The following LRRC4C variants were observed in gnomAD, a reference collection of about 807,000 sequenced individuals.
LRRC4C encodes leucine-rich repeat-containing protein 4C.
In LRRC4C, 5 loss-of-function variants were observed where a neutral mutation model predicts 33.6. The ratio of observed to expected loss-of-function variants is 0.15; its 90% CI spans 0.08 to 0.31. LRRC4C has a LOEUF of 0.31. Among genes scored for constraint, LRRC4C ranks in the 10% least tolerant of loss-of-function variants. LRRC4C has a pLI of 1.00. For missense variants in LRRC4C, 560 were observed against 796.7 expected, an observed-to-expected ratio of 0.70 and a Z score of 3.58; for synonymous variants, 329 against 302.0, an observed-to-expected ratio of 1.09 and a Z score of -0.93.
chr11:40,718,370 T>C (rs1040301887), intron 2 of LRRC4C, among the ~76,000 whole-genome samples: 4 of 152,164 alleles, frequency 2.6e-5, no homozygotes, highest in Non-Finnish European at 5.9e-5. Flanking sequence ...ATGAAAATAA[T>C]GCTGAGATTG....
chr11:41,185,248 G>A (rs897827170), intron 1 of LRRC4C, among the ~76,000 whole-genome samples: 2 of 152,116 alleles, frequency 1.3e-5, no homozygotes, highest in African/African-American at 4.8e-5. Flanking sequence ...GTTGGTGAGA[G>A]TCTATTCCCA....
chr11:40,671,055 G>C (rs1385646912), intron 2 of LRRC4C, among the ~76,000 whole-genome samples: 1 of 152,194 alleles, frequency 6.6e-6, no homozygotes, highest in Non-Finnish European at 1.5e-5. Context: ...GAGCCACTGC[G>C]CCTGGCCAAG....
chr11:41,234,389 G>A (rs1166649160), intron 1 of LRRC4C, among the ~76,000 whole-genome samples: 1 of 151,588 alleles, frequency 6.6e-6, no homozygotes, highest in Non-Finnish European at 1.5e-5. Context: ...AAAATATTAG[G>A]CTAATATATT....
intron 1 of LRRC4C, among the ~76,000 whole-genome samples, chr11:41,357,158 G>A (rs905409120): frequency 6.6e-6 from 1 of 151,910 alleles, no homozygotes; most frequent in East Asian, 1.9e-4. Context: ...GAGAGAGAGA[G>A]AAACTATGCA....
intron 1 of LRRC4C, among the ~76,000 whole-genome samples, chr11:41,046,902 C>G (rs1228281434): frequency 6.6e-6 from 1 of 152,064 alleles, no homozygotes; most frequent in Non-Finnish European, 1.5e-5. Context: ...TTATAAATGA[C>G]TTTTATTTGG....
chr11:40,960,047 T>A (rs1454770212), intron 1 of LRRC4C, among the ~76,000 whole-genome samples: 7 of 138,242 alleles, frequency 5.1e-5, no homozygotes, highest in Non-Finnish European at 9.5e-5. Flanking sequence ...AAGAAAGAAC[T>A]AAGGAAGGAA....
At chr11:40,751,404 C>A (rs1388555186) in intron 2 of LRRC4C, among the ~76,000 whole-genome samples, 1 of 152,004 alleles carries the variant, frequency 6.6e-6, no homozygotes, top group Non-Finnish European at 1.5e-5. Flanking sequence ...AGCTGATAAG[C>A]AAATTCAGAA....
At chr11:41,151,664 CT>C (rs1944005372) in intron 1 of LRRC4C, among the ~76,000 whole-genome samples, 1 of 152,150 alleles carries the variant, frequency 6.6e-6, no homozygotes, top group Admixed American at 6.5e-5. Context: ...CCATGTCCCT[CT>C]GGCATGTACA....
chr11:40,476,342 CTTTTTT>C (rs71308392), intron 3 of LRRC4C, among the ~76,000 whole-genome samples: 5 of 81,370 alleles, frequency 6.1e-5, no homozygotes, highest in African/African-American at 8.9e-5. Context: ...TTTTTTTCTT[CTTTTTT>C]TTTTTTTTTT....
intron 1 of LRRC4C, among the ~76,000 whole-genome samples, chr11:41,285,159 C>G (rs1949785404): frequency 6.6e-6 from 1 of 152,070 alleles, no homozygotes. Flanking sequence ...CACAATGAAC[C>G]CCATAATAAT....
At chr11:41,073,204 G>A (rs760147779) in intron 1 of LRRC4C, among the ~76,000 whole-genome samples, 3 of 152,134 alleles carry the variant, frequency 2.0e-5, no homozygotes, top group Non-Finnish European at 4.4e-5. Flanking sequence ...ATGGTGGCTG[G>A]AAGGTTCAAG....
intron 3 of LRRC4C, among the ~76,000 whole-genome samples, chr11:40,487,546 T>A (rs1220075827): frequency 6.6e-6 from 1 of 151,804 alleles, no homozygotes; most frequent in Non-Finnish European, 1.5e-5. Context: ...TTGTGAAGAG[T>A]AGAGAGAAAA....
In LRRC4C at chr11:40,123,075, T is replaced by C. The variant is rs180880965; in HGVS notation, c.-42-6741A>G. 1.4e-3 allele frequency among the ~76,000 whole-genome samples: 214 copies of C among 151,930 alleles called. 1 individual carries two copies. The highest frequency in any genetic ancestry group is 5.1e-3 in the African/African-American group (210 of 41,448). On this transcript the variant is annotated intron_variant, in intron 6 of 6. Transcript: ENST00000528697. The stretch of plus-strand genomic sequence containing the variant: ...CATTTAAGCTAGAAGTAGGCAAACT[T>C]TTTCTGTAAAGGGCCAGATAGTAAT...
chr11:40,665,071 C>G (rs1285795734), intron 2 of LRRC4C, among the ~76,000 whole-genome samples: 1 of 151,342 alleles, frequency 6.6e-6, no homozygotes, highest in Admixed American at 6.6e-5. Context: ...GATGGTTTGT[C>G]AAGGATGACA....
chr11:40,204,856 C>T lies in LRRC4C; in HGVS notation c.-96+36663G>A, dbSNP rs567595556. Reference sequence around the variant, plus strand: ...GCTTAGCTTTGGCCAGTGCAATTTTCGCTGCTGATACTTAAAGGTTTCTGG... The same window carrying T: ...GCTTAGCTTTGGCCAGTGCAATTTTTGCTGCTGATACTTAAAGGTTTCTGG... On this transcript the variant is annotated intron_variant, in intron 5 of 6. Coordinates refer to ENST00000528697, the MANE Select transcript of LRRC4C (RefSeq NM_001258419.2). Among the ~76,000 whole-genome samples, 13 of 152,260 alleles carry T rather than the reference C, an allele frequency of 8.5e-5. No homozygotes were observed. The East Asian group carries it at 1.9e-3, about 23-fold the overall frequency.
At chr11:40,728,182 T>C (rs1358325260) in intron 2 of LRRC4C, among the ~76,000 whole-genome samples, 1 of 152,048 alleles carries the variant, frequency 6.6e-6, no homozygotes, top group Non-Finnish European at 1.5e-5. Context: ...AAGAAATGGC[T>C]ATACACTCTT....
At chr11:41,068,083 T>C (rs989183578) in intron 1 of LRRC4C, among the ~76,000 whole-genome samples, 4 of 150,788 alleles carry the variant, frequency 2.7e-5, no homozygotes, top group Non-Finnish European at 4.4e-5. Flanking sequence ...GAGAAAGAGA[T>C]ATGAAAAACC....
chr11:40,184,106 C>T lies in LRRC4C; in HGVS notation c.-95-43253G>A, dbSNP rs190053397. 3.9e-5 allele frequency among the ~76,000 whole-genome samples: 6 copies of T among 152,226 alleles called. No homozygotes were observed. The East Asian group carries it at 7.7e-4, about 20-fold the overall frequency. Reference sequence around the variant, plus strand: ...AGCTATGTTTGTGCTATTTGAGTGACGGTACATCTCAATTTCCCTGGGACA... The same window carrying T: ...AGCTATGTTTGTGCTATTTGAGTGATGGTACATCTCAATTTCCCTGGGACA... On this transcript the variant is annotated intron_variant, in intron 5 of 6. Transcript: ENST00000528697.
chr11:40,975,174 G>T (rs149728722), intron 1 of LRRC4C, among the ~76,000 whole-genome samples: 339 of 152,158 alleles, frequency 2.2e-3, no homozygotes, highest in Non-Finnish European at 3.8e-3. Flanking sequence ...ATAGTGCAAG[G>T]AGATAGCATT....
Sources: allele counts gnomAD v4.1 joint callset (sites outside exome capture counted in the v4.1 genomes callset), GRCh38; gene constraint gnomAD v4.1.1; transcripts MANE v1.5; gene names NCBI Gene and HGNC (gene_info 2026-07-23, HGNC 2026-07-21).